The following ANTXR2 variants were observed in gnomAD, a reference collection of about 807,000 sequenced individuals.
ANTXR2 encodes the protein ANTXR cell adhesion molecule 2, also known as anthrax toxin receptor 2.
In ANTXR2, 44 loss-of-function variants were observed where a neutral mutation model predicts 73.7. The observed-to-expected ratio is 0.60, with a 90% CI of 0.47 to 0.77. The LOEUF (loss-of-function observed/expected upper bound fraction) is 0.77, where lower values mean the gene tolerates loss of function less well. ANTXR2 is among the 30% of genes least tolerant of loss of function. The probability of loss-of-function intolerance (pLI) is 0.00; values close to 1 mark genes in which losing one functional copy is unlikely to be tolerated. For missense variants in ANTXR2, 604 were observed against 592.5 expected (o/e 1.02, Z -0.20); for synonymous variants, 217 against 205.9 (o/e 1.05, Z -0.46).
At chr4:80,018,283 T>C (rs1731978070) in intron 11 of ANTXR2, among the ~76,000 whole-genome samples, 2 of 152,168 alleles carry the variant, frequency 1.3e-5, no homozygotes, top group South Asian at 4.1e-4. Flanking sequence ...TATTGAAACT[T>C]TCTATAAATC....
At chr4:80,016,176 G>A (rs1014047161) in intron 11 of ANTXR2, among the ~76,000 whole-genome samples, 2 of 152,034 alleles carry the variant, frequency 1.3e-5, no homozygotes, top group African/African-American at 4.8e-5. Flanking sequence ...CAACACCGTA[G>A]AGTTTGGGAA....
At chr4:79,918,539 G>A (rs6826434) in intron 16 of ANTXR2, among the ~76,000 whole-genome samples, 15 of 151,904 alleles carry the variant, frequency 9.9e-5, no homozygotes, top group Non-Finnish European at 1.5e-5. Flanking sequence ...TGAAGGACAC[G>A]AGGCTATGGA....
At position 79,999,969 on chromosome 4, in the gene ANTXR2, T is replaced by C. The variant is rs188708671; in HGVS notation, c.1041+8552A>G. Among the ~76,000 whole-genome samples, 137 of 152,176 alleles carry C rather than the reference T, an allele frequency of 9.0e-4. 1 individual carries two copies. Among genetic ancestry groups the C allele is most frequent in the Admixed American group, 2.7e-3 (41 of 15,242 alleles). On this transcript the variant is annotated intron_variant, in intron 12 of 16. Coordinates refer to ENST00000403729, the MANE Select transcript of ANTXR2 (RefSeq NM_058172.6). Reference sequence around the variant, plus strand: ...TATGATATGGGATACATGTGATTGCTACTGGTGACAGTTTTCACAACTGCT... The same window carrying C: ...TATGATATGGGATACATGTGATTGCCACTGGTGACAGTTTTCACAACTGCT...
chr4:79,993,421 T>C (rs1373849139), intron 12 of ANTXR2, among the ~76,000 whole-genome samples: 2 of 151,724 alleles, frequency 1.3e-5, no homozygotes, highest in Non-Finnish European at 2.9e-5. Flanking sequence ...GAAGAAGGGA[T>C]TCTTTTCATT....
intron 12 of ANTXR2, among the ~76,000 whole-genome samples, chr4:79,987,429 A>T (rs572410947): frequency 6.6e-6 from 1 of 152,292 alleles, no homozygotes; most frequent in East Asian, 1.9e-4. Context: ...GCAAAAAAAA[A>T]TTAAGAATTT....
chr4:79,910,168 T>C (rs1241476924), intron 16 of ANTXR2, among the ~76,000 whole-genome samples: 1 of 152,136 alleles, frequency 6.6e-6, no homozygotes, highest in African/African-American at 2.4e-5. Context: ...TGTTAAGATA[T>C]ATAAAGCACT....
chr4:79,949,609 G>A (rs1464729485), intron 16 of ANTXR2, among the ~76,000 whole-genome samples: 2 of 152,148 alleles, frequency 1.3e-5, no homozygotes, highest in Non-Finnish European at 2.9e-5. Flanking sequence ...TAACTCCAAT[G>A]TAAGTGAAGC....
chr4:80,067,457 A>G (rs746558449), intron 3 of ANTXR2, among the ~76,000 whole-genome samples: 38 of 152,332 alleles, frequency 2.5e-4, no homozygotes, highest in Non-Finnish European at 4.6e-4. Flanking sequence ...AATGACTGAG[A>G]GTTTCTACAA....
chr4:79,963,533 T>C (rs1172981567), intron 16 of ANTXR2, among the ~76,000 whole-genome samples: 1 of 152,194 alleles, frequency 6.6e-6, no homozygotes, highest in Non-Finnish European at 1.5e-5. Context: ...ATGTTGCTTA[T>C]TTCAACAAGA....
chr4:79,926,863 T>TGGCATATATATGTG (rs2109953248), intron 16 of ANTXR2, among the ~76,000 whole-genome samples: 1 of 141,848 alleles, frequency 7.0e-6, no homozygotes, highest in East Asian at 2.1e-4. Context: ...AAAGAAATTG[T>TGGCATATATATGTG]GGCATATATA....
At chr4:80,056,770 C>T (rs1248261689) in intron 3 of ANTXR2, among the ~76,000 whole-genome samples, 6 of 151,720 alleles carry the variant, frequency 4.0e-5, no homozygotes, top group African/African-American at 1.2e-4. Context: ...ATTCACTATC[C>T]CAACTGAATT....
In ANTXR2 at chr4:80,072,462, G is replaced by A. The variant is rs1325161000; in HGVS notation, c.99C>T (p.Ala33=). ...VLSGPGGLLR[A]QEQPSCRRAF... Reference sequence around the variant, plus strand: ...CTCTTCTGCAGGAGGGCTGCTCCTGGGCGCGCAGCAGCCCCCCGGGACCGC... The same window carrying A: ...CTCTTCTGCAGGAGGGCTGCTCCTGAGCGCGCAGCAGCCCCCCGGGACCGC... Residue 33 remains alanine (A), a synonymous_variant, in exon 1 of 17, where the codon GCC becomes GCT. Coordinates refer to ENST00000403729, the MANE Select transcript of ANTXR2 (RefSeq NM_058172.6). The A allele has an allele frequency of 6.2e-7, 1 of 1,609,620 alleles. No homozygotes were observed.
At chr4:80,048,808 T>C (rs1376255207) in intron 7 of ANTXR2, among the ~76,000 whole-genome samples, 2 of 151,630 alleles carry the variant, frequency 1.3e-5, no homozygotes, top group East Asian at 3.9e-4. Flanking sequence ...ACAACAGACA[T>C]TGCTGAGAAA....
chr4:79,988,875 C>A (rs1730331247), intron 12 of ANTXR2, among the ~76,000 whole-genome samples: 1 of 152,040 alleles, frequency 6.6e-6, no homozygotes, highest in African/African-American at 2.4e-5. Flanking sequence ...GGAAAGTAAA[C>A]AAACTTGCTC....
intron 10 of ANTXR2, among the ~76,000 whole-genome samples, chr4:80,023,836 G>T (rs1193313363): frequency 6.6e-6 from 1 of 152,186 alleles, no homozygotes; most frequent in African/African-American, 2.4e-5. Flanking sequence ...ATGGCTCCAG[G>T]TTGAAAAGGG....
At chr4:79,964,162 G>A (rs1238026680) in intron 16 of ANTXR2, among the ~76,000 whole-genome samples, 2 of 152,154 alleles carry the variant, frequency 1.3e-5, no homozygotes, top group Non-Finnish European at 2.9e-5. Flanking sequence ...TGCTGGTGAG[G>A]AGAGACTGCC....
Position 80,018,974 on chromosome 4 carries a change from G to A in ANTXR2, c.869C>T (p.Thr290Ile). The A allele has an allele frequency of 6.8e-7, 1 of 1,475,216 alleles. No individual in the cohort carries two copies. 91.4% of individuals were successfully genotyped at this position (1,475,216 alleles called of 1,614,324 possible). Residue 290 changes from threonine (T) to isoleucine (I), a missense_variant and splice_region_variant, in exon 11 of 17, where the codon ACT becomes ATT. Physicochemically the swap from Thr to Ile is moderately conservative, Grantham distance 89 (BLOSUM62 -1). Coordinates refer to ENST00000403729, the MANE Select transcript of ANTXR2 (RefSeq NM_058172.6). ...PAPILNKAGETLDVSVSFNGG... is the reference protein window; with the variant it reads ...PAPILNKAGEILDVSVSFNGG... ...ATTAAAGCTCACTGAAACATCAAGA[G>A]TTCTGAAAAAGAAAAGAAACAATAA...
intron 7 of ANTXR2, among the ~76,000 whole-genome samples, chr4:80,044,659 T>C (rs1282722737): frequency 2.6e-5 from 4 of 151,878 alleles, no homozygotes; most frequent in Non-Finnish European, 5.9e-5. Flanking sequence ...AAACACCTCC[T>C]ACAATTAATA....
At chr4:79,945,824 G>T (rs1027187391) in intron 16 of ANTXR2, among the ~76,000 whole-genome samples, 1 of 151,988 alleles carries the variant, frequency 6.6e-6, no homozygotes, top group Non-Finnish European at 1.5e-5. Context: ...TAATATATTT[G>T]TTCCTACAAA....
Sources: allele counts gnomAD v4.1 joint callset (sites outside exome capture counted in the v4.1 genomes callset), GRCh38; gene constraint gnomAD v4.1.1; transcripts MANE v1.5; gene names NCBI Gene and HGNC (gene_info 2026-07-23, HGNC 2026-07-21).